The following KANK1 variants were observed in gnomAD, a reference collection of about 807,000 sequenced individuals.
KANK1 encodes KN motif and ankyrin repeat domain-containing protein 1.
In KANK1, 109 loss-of-function variants were observed where a neutral mutation model predicts 106.2. The ratio of observed to expected loss-of-function variants is 1.03; its 90% CI spans 0.88 to 1.20. The LOEUF (loss-of-function observed/expected upper bound fraction) is 1.20. Ranked by LOEUF, KANK1 falls within the 50% of genes most tolerant of loss-of-function variation. KANK1 has a pLI of 0.00. For synonymous variants in KANK1, 873 were observed against 652.2 expected, an observed-to-expected ratio of 1.34 and a Z score of -5.16; for missense variants, 2,399 against 1,710.7, an observed-to-expected ratio of 1.40 and a Z score of -7.10.
At chr9:659,712 GGT>G (rs879577343) in intron 1 of KANK1, among the ~76,000 whole-genome samples, 1 of 151,856 alleles carries the variant, frequency 6.6e-6, no homozygotes, top group Admixed American at 6.6e-5. Flanking sequence ...GAGGGAAGAA[GGT>G]AATGCTATGC....
chr9:580,058 T>A (rs936574475), intron 1 of KANK1, among the ~76,000 whole-genome samples: 2 of 152,174 alleles, frequency 1.3e-5, no homozygotes, highest in African/African-American at 4.8e-5. Context: ...AAAGATGGTG[T>A]GTCCGAAGTT....
In KANK1 at chr9:635,193, C is replaced by T. The variant is rs138112280; in HGVS notation, c.-83-41697C>T. ...GTATGTCCCTCTTCCATCCTGACCT[C>T]ATGGTGACCCTAAAAAGTCTGTGCC... is the stretch of plus-strand genomic sequence containing the variant. On this transcript the variant is annotated intron_variant, in intron 1 of 11. Transcript: ENST00000382297. Among the ~76,000 whole-genome samples, 474 of 152,278 alleles carry T rather than the reference C, an allele frequency of 3.1e-3. 5 individuals carry two copies. In the Middle Eastern group the frequency reaches 0.034, roughly 11 times the overall value.
At chr9:693,983 A>G (rs1327334518) in intron 2 of KANK1, among the ~76,000 whole-genome samples, 2 of 152,174 alleles carry the variant, frequency 1.3e-5, no homozygotes, top group Non-Finnish European at 2.9e-5. Flanking sequence ...TAAAGATGTC[A>G]TTGTTGCAGG....
intron 1 of KANK1, among the ~76,000 whole-genome samples, chr9:668,258 A>G (rs1249827280): frequency 5.9e-5 from 9 of 152,260 alleles, no homozygotes; most frequent in Non-Finnish European, 1.5e-5. Flanking sequence ...GTAGTTTGAT[A>G]CAATGGTTTC....
chr9:488,151 A>G (rs779190484), intron 3 of KANK1, among the ~76,000 whole-genome samples: 1 of 152,206 alleles, frequency 6.6e-6, no homozygotes, highest in Admixed American at 6.5e-5. Flanking sequence ...AATCTACTCC[A>G]TGAATCCCTA....
In KANK1 at chr9:474,832, C is replaced by G. The variant is rs1365789798; in HGVS notation, c.-362+1559C>G. The stretch of plus-strand genomic sequence containing the variant: ...AAGCTGTCTAGGCCATCTAGACTTT[C>G]CCTGAGGACACTTCAGTATCTCTGA... On this transcript the variant is annotated intron_variant, in intron 3 of 15. Coordinates refer to the KANK1 transcript ENST00000382303. Among the ~76,000 whole-genome samples, 7 of 152,294 alleles carry G rather than the reference C, an allele frequency of 4.6e-5. 1 individual carries two copies. The highest frequency in any genetic ancestry group is 6.8e-3 in the Middle Eastern group (2 of 294).
chr9:732,660 A>T (rs1373841604), intron 6 of KANK1, 43 bp downstream of exon 6: 1 of 1,597,718 alleles, frequency 6.3e-7, no homozygotes, highest in African/African-American at 1.3e-5. Context: ...TCCCACATTT[A>T]ATGTACTTTG....
At chr9:606,968 C>G (rs964569446) in intron 1 of KANK1, among the ~76,000 whole-genome samples, 1 of 142,390 alleles carries the variant, frequency 7.0e-6, no homozygotes, top group Non-Finnish European at 1.5e-5. Context: ...TGTAGTTGCC[C>G]GTTCACATTT....
At position 529,313 on chromosome 9, in the gene KANK1, G is replaced by A. The variant is rs143026729; in HGVS notation, c.-84+24559G>A. ...TATACACTTTTTTTTTTTTTGAGAC[G>A]GAGTCTTGCTCTGTCGCCAGGCTGG... On this transcript the variant is annotated intron_variant, in intron 1 of 11. Transcript: ENST00000382297. Among the ~76,000 whole-genome samples, 96 of 147,732 alleles carry A rather than the reference G, an allele frequency of 6.5e-4. No homozygotes were observed. The East Asian group carries it at 0.016, about 25-fold the overall frequency.
At chr9:728,645 A>G (rs1034231691) in intron 3 of KANK1, among the ~76,000 whole-genome samples, 2 of 152,214 alleles carry the variant, frequency 1.3e-5, no homozygotes, top group African/African-American at 4.8e-5. Context: ...GAAAAGAGAC[A>G]TTTACCATCT....
chr9:526,848 A>G, intron 1 of KANK1, among the ~76,000 whole-genome samples: 1 of 151,670 alleles, frequency 6.6e-6, no homozygotes, highest in East Asian at 1.9e-4. Context: ...AATTTTGGAT[A>G]TTTACTTTCC....
upstream of KANK1, among the ~76,000 whole-genome samples, chr9:501,532 T>G (rs571751530): frequency 3.3e-5 from 5 of 152,290 alleles, no homozygotes; most frequent in African/African-American, 1.2e-4. Context: ...TATATCTCAG[T>G]GTGAGCAAAT....
Position 711,649 on chromosome 9 carries a change from CAAG to C in KANK1, c.888_890del (p.Glu297del). 6.2e-7 allele frequency: 1 copy of C among 1,614,156 alleles called. No individual in the cohort carries two copies. The highest frequency in any genetic ancestry group is 8.5e-7 in the Non-Finnish European group (1 of 1,180,038). On this transcript the variant is annotated inframe_deletion, in exon 3 of 12. Transcript: ENST00000382297. ...GCTCCAGGTAAAGATCTCTGTCTTG[CAAG>C]AAGAGAAAAGGCAGTTGGTCTCACA...
intron 1 of KANK1, among the ~76,000 whole-genome samples, chr9:637,354 G>A (rs182720944): frequency 6.6e-6 from 1 of 152,278 alleles, no homozygotes; most frequent in Non-Finnish European, 1.5e-5. Context: ...ATGGAGGGTA[G>A]GGTGGCACTT....
At chr9:688,279 T>C (rs1332985971) in intron 2 of KANK1, among the ~76,000 whole-genome samples, 1 of 152,218 alleles carries the variant, frequency 6.6e-6, no homozygotes, top group Non-Finnish European at 1.5e-5. Context: ...AGTTATCTGC[T>C]TTCTCTCCCT....
intron 1 of KANK1, among the ~76,000 whole-genome samples, chr9:565,434 C>T (rs564198338): frequency 1.3e-5 from 2 of 152,156 alleles, no homozygotes; most frequent in Non-Finnish European, 2.9e-5. Context: ...TTCACTGAGA[C>T]CATGGTATTG....
intron 1 of KANK1, among the ~76,000 whole-genome samples, chr9:645,533 ATTAT>A (rs1294862846): frequency 6.6e-6 from 1 of 150,754 alleles, no homozygotes; most frequent in East Asian, 1.9e-4. Context: ...ATGTTTAAAA[ATTAT>A]TTAATGTATA....
intron 2 of KANK1, chr9:707,268 G>C (rs1354765049): frequency 5.1e-6 from 5 of 980,672 alleles, no homozygotes; most frequent in African/African-American, 3.5e-5. Context: ...TGCGAGCGGC[G>C]TGGGGCGGCC....
chr9:540,041 A>G (rs1329557984), intron 1 of KANK1, among the ~76,000 whole-genome samples: 1 of 152,178 alleles, frequency 6.6e-6, no homozygotes, highest in Non-Finnish European at 1.5e-5. Context: ...TTCTTGCCTA[A>G]TAGCTCTGGC....
Sources: gnomAD v4.1 joint callset for allele counts (sites outside exome capture counted in the v4.1 genomes callset) on GRCh38, gnomAD v4.1.1 for gene constraint, MANE v1.5 for transcripts, NCBI Gene and HGNC (gene_info 2026-07-23, HGNC 2026-07-21) for gene names.